RANBP2: variants seen among roughly 807,000 people sequenced by gnomAD.
RANBP2 encodes the protein E3 SUMO-protein ligase RanBP2.
Under a neutral mutation model 303.6 loss-of-function variants are expected in RANBP2, and 57 were observed. The observed-to-expected ratio is 0.19, with a 90% CI of 0.15 to 0.23. RANBP2 has a LOEUF of 0.23. Among genes scored for constraint, RANBP2 ranks in the 10% least tolerant of loss-of-function variants. The pLI, the probability that RANBP2 is intolerant of heterozygous loss-of-function variation, is 1.00. For missense variants in RANBP2, 3,138 were observed against 3,780.8 expected, an observed-to-expected ratio of 0.83 and a Z score of 4.46; for synonymous variants, 1,167 against 1,301.5, an observed-to-expected ratio of 0.90 and a Z score of 2.23.
chr2:109,726,531 C>T, the RANBP2 span, among the ~76,000 whole-genome samples: 3 of 152,112 alleles, frequency 2.0e-5, no homozygotes, highest in African/African-American at 2.4e-5. Flanking sequence ...GGGTCCGTGT[C>T]GCAGAGGAGA....
chr2:109,449,248 G>C, the RANBP2 span: 14 of 1,612,098 alleles, frequency 8.7e-6, no homozygotes, highest in South Asian at 1.4e-4. Context: ...TCTCCATCCC[G>C]CCTGCCTGCC....
At chr2:109,543,962 T>G in the RANBP2 span, 15 of 578,974 alleles carry the variant, frequency 2.6e-5, no homozygotes, top group Admixed American at 1.0e-4. Flanking sequence ...TACAAAAATT[T>G]TGTGCAAGAA....
chr2:109,484,420 C>T, the RANBP2 span, among the ~76,000 whole-genome samples: 1 of 152,156 alleles, frequency 6.6e-6, no homozygotes, highest in Non-Finnish European at 1.5e-5. Flanking sequence ...CCCATCCACA[C>T]TCTGGCCCGC....
At chr2:109,513,484 C>CATGTACACA in the RANBP2 span, among the ~76,000 whole-genome samples, 3 of 147,918 alleles carry the variant, frequency 2.0e-5, no homozygotes, top group Non-Finnish European at 4.4e-5. Flanking sequence ...TGTACACACA[C>CATGTACACA]CACATGTACA....
chr2:109,764,343 C>T, the RANBP2 span, among the ~76,000 whole-genome samples: 86 of 145,944 alleles, frequency 5.9e-4, 3 homozygotes, highest in Non-Finnish European at 1.0e-3. Flanking sequence ...CTTCTGTGGT[C>T]CACCAGCTTT....
At chr2:109,593,950 C>T in the RANBP2 span, among the ~76,000 whole-genome samples, 5 of 152,302 alleles carry the variant, frequency 3.3e-5, no homozygotes, top group African/African-American at 1.2e-4. Context: ...CCTTACAATA[C>T]ATCTGAGCTA....
the RANBP2 span, among the ~76,000 whole-genome samples, chr2:109,094,664 T>C: frequency 2.0e-5 from 3 of 152,194 alleles, no homozygotes; most frequent in Non-Finnish European, 4.4e-5. Context: ...ACCCTGTCTC[T>C]ACTAAAAGTA....
chr2:108,797,874 C>A, the RANBP2 span, among the ~76,000 whole-genome samples: 1 of 151,238 alleles, frequency 6.6e-6, no homozygotes, highest in Non-Finnish European at 1.5e-5. Flanking sequence ...TGGCTGTGAA[C>A]ATATAAAAAG....
chr2:109,002,087 G>A, the RANBP2 span, among the ~76,000 whole-genome samples: 1 of 152,178 alleles, frequency 6.6e-6, no homozygotes, highest in South Asian at 2.1e-4. Flanking sequence ...TAGGGAGTTG[G>A]TGGCTGCCAT....
At chr2:108,920,038 T>C in the RANBP2 span, among the ~76,000 whole-genome samples, 1 of 152,228 alleles carries the variant, frequency 6.6e-6, no homozygotes, top group African/African-American at 2.4e-5. Context: ...AGTGGCACCA[T>C]GTCCACATGG....
the RANBP2 span, among the ~76,000 whole-genome samples, chr2:109,682,240 T>C: frequency 6.6e-6 from 1 of 152,190 alleles, no homozygotes; most frequent in Non-Finnish European, 1.5e-5. Flanking sequence ...GTAAAGTTGC[T>C]GGATAGAAAC....
the RANBP2 span, among the ~76,000 whole-genome samples, chr2:109,593,409 C>CTTTTT: frequency 1.8e-4 from 24 of 133,780 alleles, no homozygotes; most frequent in Admixed American, 4.8e-4. Context: ...AGAGAAAGAA[C>CTTTTT]TTTTTTTTTT....
chr2:109,011,511 T>A, the RANBP2 span, among the ~76,000 whole-genome samples: 1 of 152,204 alleles, frequency 6.6e-6, no homozygotes, highest in Non-Finnish European at 1.5e-5. Context: ...TGAAATTTTA[T>A]GATGATGTAG....
At chr2:108,893,614 A>C in the RANBP2 span, among the ~76,000 whole-genome samples, 1 of 152,150 alleles carries the variant, frequency 6.6e-6, no homozygotes, top group Non-Finnish European at 1.5e-5. Flanking sequence ...AAAACTGACA[A>C]ATAGAGTCAT....
chr2:109,222,457 T>C, the RANBP2 span, among the ~76,000 whole-genome samples: 1 of 152,054 alleles, frequency 6.6e-6, no homozygotes, highest in African/African-American at 2.4e-5. Flanking sequence ...CCCATAAATA[T>C]GTACAATTAT....
the RANBP2 span, among the ~76,000 whole-genome samples, chr2:108,825,634 A>T: frequency 6.6e-6 from 1 of 152,196 alleles, no homozygotes; most frequent in Non-Finnish European, 1.5e-5. Flanking sequence ...ATGTGTCAAT[A>T]CTTCATTCCT....
chr2:108,959,259 C>T, the RANBP2 span, among the ~76,000 whole-genome samples: 1 of 152,212 alleles, frequency 6.6e-6, no homozygotes, highest in Non-Finnish European at 1.5e-5. Flanking sequence ...CTGATGATGG[C>T]CTATGAAGCC....
chr2:108,902,575 C>A, the RANBP2 span, among the ~76,000 whole-genome samples: 2 of 152,044 alleles, frequency 1.3e-5, no homozygotes, highest in Non-Finnish European at 2.9e-5. Context: ...CAGACAAAGA[C>A]AAAAAACAAA....
chr2:108,731,048 A>G (rs1009236060), intron 3 of RANBP2, among the ~76,000 whole-genome samples, 163 bp downstream of exon 3: 6 of 152,286 alleles, frequency 3.9e-5, no homozygotes, highest in Non-Finnish European at 8.8e-5. Context: ...GAATTGTTTA[A>G]CACCTATAAA....
Sources: allele counts gnomAD v4.1 joint callset (sites outside exome capture counted in the v4.1 genomes callset), GRCh38; gene constraint gnomAD v4.1.1; transcripts MANE v1.5; gene names NCBI Gene and HGNC (gene_info 2026-07-23, HGNC 2026-07-21).